The following P2RX7 variants were observed in gnomAD, a reference collection of about 807,000 sequenced individuals.
P2RX7 encodes P2X purinoceptor 7.
Under a neutral mutation model 71.6 loss-of-function variants are expected in P2RX7, and 62 were observed. The ratio of observed to expected loss-of-function variants is 0.87; its 90% CI spans 0.71 to 1.07. The LOEUF is 1.07. Among genes scored for constraint, P2RX7 ranks in the 50% least tolerant of loss-of-function variants. The pLI, the probability that P2RX7 is intolerant of heterozygous loss-of-function variation, is 0.00. For missense variants in P2RX7, 686 were observed against 748.5 expected (o/e 0.92, Z 0.97); for synonymous variants, 299 against 283.3 (o/e 1.06, Z -0.56).
At chr12:121,175,503 G>A (rs781218887) in intron 9 of P2RX7, 25 bp downstream of exon 9, 1 of 989,198 alleles carries the variant, frequency 1.0e-6, no homozygotes, top group Non-Finnish European at 1.6e-6. Flanking sequence ...CCAGCTCCGG[G>A]CACCGGCATC....
intron 7 of P2RX7, among the ~76,000 whole-genome samples, chr12:121,166,979 G>A (rs1247032641): frequency 2.6e-5 from 4 of 151,144 alleles, no homozygotes; most frequent in African/African-American, 9.8e-5. Flanking sequence ...TTGAACCTGG[G>A]AGGCAGAGGT....
chr12:121,167,966 A>G (rs530925043), intron 8 of P2RX7, among the ~76,000 whole-genome samples: 1 of 152,046 alleles, frequency 6.6e-6, no homozygotes, highest in Admixed American at 6.6e-5. Flanking sequence ...GCGGATGCAC[A>G]CTGTTTATAA....
chr12:121,160,811 G>T, intron 3 of P2RX7, 91 bp from the exon 4 acceptor site: 2 of 1,067,272 alleles, frequency 1.9e-6, no homozygotes, highest in Non-Finnish European at 1.5e-6. Context: ...ATAAGCATTC[G>T]TGTGCACATT....
chr12:121,172,716 G>A (rs1882439112), intron 8 of P2RX7, among the ~76,000 whole-genome samples: 1 of 152,186 alleles, frequency 6.6e-6, no homozygotes, highest in Non-Finnish European at 1.5e-5. Context: ...ATAGTCACAT[G>A]CAAAGAAATT....
At chr12:121,180,972 A>AG (rs1884055050) in intron 12 of P2RX7, among the ~76,000 whole-genome samples, 1 of 152,054 alleles carries the variant, frequency 6.6e-6, no homozygotes, top group African/African-American at 2.4e-5. Context: ...TCAAAAAAAA[A>AG]AAAGAAAAAA....
In P2RX7 at chr12:121,149,081, T is replaced by C; in HGVS notation, c.126-5704T>C. The C allele has an allele frequency of 1.7e-6, 1 of 584,314 alleles. No individual in the cohort carries two copies. Among genetic ancestry groups the C allele is most frequent in the South Asian group, 1.4e-5 (1 of 70,928 alleles). 36.2% of individuals were successfully genotyped at this position (584,314 alleles called of 1,614,324 possible). On this transcript the variant is annotated intron_variant, in intron 1 of 12. Transcript: ENST00000328963. The surrounding 1 kb of genome is among the most constrained non-coding windows in gnomAD (Gnocchi z 4.7). ...AGCTTGAAGAGCAATCTAACCATGC[T>C]GGCATGGGGCCCATCCCACCTGTGA...
intron 8 of P2RX7, among the ~76,000 whole-genome samples, chr12:121,173,501 C>A (rs1453743986): frequency 6.6e-6 from 1 of 152,088 alleles, no homozygotes; most frequent in African/African-American, 2.4e-5. Flanking sequence ...GAATTTATTA[C>A]ATACTTTTCC....
intron 4 of P2RX7, 149 bp from the exon 5 acceptor site, chr12:121,162,275 G>C: frequency 6.9e-7 from 1 of 1,442,388 alleles, no homozygotes; most frequent in South Asian, 1.4e-5. Flanking sequence ...GGTTAGGATG[G>C]GCTTGATGGA....
intron 1 of P2RX7, among the ~76,000 whole-genome samples, chr12:121,143,568 G>A (rs978289309): frequency 2.7e-5 from 4 of 150,936 alleles, no homozygotes; most frequent in African/African-American, 4.9e-5. Context: ...AAAAAAAATC[G>A]GCCAGGCGCG....
chr12:121,147,076 C>CA (rs113516496), intron 1 of P2RX7, among the ~76,000 whole-genome samples: 4,997 of 152,274 alleles, frequency 0.033, 272 homozygotes, highest in African/African-American at 0.11. Context: ...ACAAGATCAA[C>CA]CACAAAAATT....
chr12:121,155,200 C>G, intron 2 of P2RX7: 3 of 1,463,850 alleles, frequency 2.0e-6, no homozygotes, highest in Non-Finnish European at 2.7e-6. Flanking sequence ...GCATTGAAAA[C>G]AGGATTTGAT....
At chr12:121,175,903 ACAT>A (rs1883033778) in intron 9 of P2RX7, among the ~76,000 whole-genome samples, 1 of 152,132 alleles carries the variant, frequency 6.6e-6, no homozygotes, top group East Asian at 1.9e-4. Flanking sequence ...TCAAACAACA[ACAT>A]CATCATCAAG....
At chr12:121,166,220 C>A in intron 7 of P2RX7, 33 bp downstream of exon 7, 1 of 1,603,160 alleles carries the variant, frequency 6.2e-7, no homozygotes, top group Non-Finnish European at 8.5e-7. Context: ...GGATGTGGGG[C>A]TGTGTGTCTA....
In P2RX7 at chr12:121,184,818, C is replaced by T. The variant is rs761631064; in HGVS notation, c.*16C>T. The T allele has an allele frequency of 5.3e-6, 8 of 1,521,814 alleles. No homozygotes were observed. The African/African-American group carries it at 8.3e-5, about 16-fold the overall frequency. The allele number at this position is 1,521,814 out of a possible 1,614,324, so 94.3% of individuals were successfully genotyped here. On this transcript the variant is annotated 3_prime_UTR_variant, in exon 13 of 13. Coordinates refer to ENST00000328963, the MANE Select transcript of P2RX7 (RefSeq NM_002562.6). ...TCCTTACTGAAGCCAGGCACCGTGGCTCACGTCTGTAATCCCAGCGCTTTG... is the reference window on the plus strand; with the variant it reads ...TCCTTACTGAAGCCAGGCACCGTGGTTCACGTCTGTAATCCCAGCGCTTTG...
intron 1 of P2RX7, among the ~76,000 whole-genome samples, chr12:121,134,213 T>A (rs909166371): frequency 6.6e-6 from 1 of 152,216 alleles, no homozygotes; most frequent in African/African-American, 2.4e-5. Context: ...AATATGTACC[T>A]AAGAGTAAAA....
rs201020228 is a variant in P2RX7 at position 121,162,495 on chromosome 12, A to T, written c.508A>T (p.Ile170Phe). ...KTCEVSAWCP[I>F]EAVEEAPRPA... ...CTGTGAAGTCTCTGCCTGGTGCCCC[A>T]TCGAGGCAGTGGAAGAGGCCCCCCG... The change falls in exon 5 of 13, where the codon ATC becomes TTC. Residue 170 changes from isoleucine to phenylalanine, a missense_variant. Physicochemically the swap from Ile to Phe is conservative, Grantham distance 21 (BLOSUM62 0). Coordinates refer to ENST00000328963, the MANE Select transcript of P2RX7 (RefSeq NM_002562.6). The T allele has an allele frequency of 4.3e-5, 69 of 1,613,476 alleles. No individual in the cohort carries two copies. Among genetic ancestry groups the T allele is most frequent in the Non-Finnish European group, 5.7e-5 (67 of 1,179,994 alleles).
chr12:121,177,389 T>G lies in P2RX7; in HGVS notation c.1131T>G (p.Cys377Trp), dbSNP rs558251112. ...IYPWCKCCQP[C>W]VVNEYYYRKK... is the part of the protein sequence containing the mutation. ...CCTGGTGCAAGTGCTGTCAGCCCTG[T>G]GTGGTCAACGAATACTACTACAGGA... is the stretch of plus-strand genomic sequence containing the variant. The change falls in exon 11 of 13, where the codon TGT becomes TGG. Residue 377 changes from cysteine to tryptophan, a missense_variant. Coordinates refer to ENST00000328963, the MANE Select transcript of P2RX7 (RefSeq NM_002562.6). 39 of 1,613,906 alleles carry G rather than the reference T, an allele frequency of 2.4e-5. 1 individual carries two copies. The South Asian group carries it at 3.7e-4, about 15-fold the overall frequency.
At chr12:121,138,653 C>T (rs1056642191) in intron 1 of P2RX7, among the ~76,000 whole-genome samples, 2 of 152,244 alleles carry the variant, frequency 1.3e-5, no homozygotes, top group Admixed American at 6.5e-5. Context: ...TGATCTATTA[C>T]AAGGTCTTTC....
chr12:121,163,317 A>G (rs1016314556), intron 5 of P2RX7, among the ~76,000 whole-genome samples: 2 of 146,806 alleles, frequency 1.4e-5, no homozygotes, highest in Admixed American at 1.4e-4. Context: ...AGCCCCATGC[A>G]TGCCTGGCTT....
Sources: allele counts gnomAD v4.1 joint callset (sites outside exome capture counted in the v4.1 genomes callset), GRCh38; gene constraint gnomAD v4.1.1; non-coding constraint Gnocchi (gnomAD v3.1); transcripts MANE v1.5; gene names NCBI Gene and HGNC (gene_info 2026-07-23, HGNC 2026-07-21).